The following COLEC12 variants were observed in gnomAD, a reference collection of about 807,000 sequenced individuals.
COLEC12 encodes the protein collectin-12.
COLEC12 carries 33 observed loss-of-function variants against 71.1 expected under a neutral mutation model. The ratio of observed to expected loss-of-function variants is 0.46; its 90% CI spans 0.35 to 0.62. The LOEUF is 0.62. COLEC12 is among the 20% of genes least tolerant of loss of function. COLEC12 has a pLI of 0.00. For missense variants in COLEC12, 765 were observed against 916.1 expected (o/e 0.84, Z 2.13); for synonymous variants, 350 against 353.0 (o/e 0.99, Z 0.10).
chr18:430,796 C>T (rs1172925431), intron 2 of COLEC12, among the ~76,000 whole-genome samples: 3 of 152,094 alleles, frequency 2.0e-5, no homozygotes, highest in South Asian at 4.2e-4. Flanking sequence ...TTTTTTAGGA[C>T]ACAAAATAAA....
chr18:397,007 A>T (rs1453527837), intron 2 of COLEC12, among the ~76,000 whole-genome samples: 3 of 152,122 alleles, frequency 2.0e-5, no homozygotes, highest in Non-Finnish European at 4.4e-5. Flanking sequence ...AGTGACCTGG[A>T]ATGCCCAGTC....
intron 2 of COLEC12, among the ~76,000 whole-genome samples, chr18:441,666 G>T (rs1916538304): frequency 6.6e-6 from 1 of 152,054 alleles, no homozygotes; most frequent in Non-Finnish European, 1.5e-5. Flanking sequence ...TACTAACAAT[G>T]TTTTTCTTTA....
chr18:458,921 A>C (rs1916924299), intron 2 of COLEC12, among the ~76,000 whole-genome samples: 1 of 152,036 alleles, frequency 6.6e-6, no homozygotes, highest in Non-Finnish European at 1.5e-5. Flanking sequence ...TGCAGCCTTG[A>C]CCTCCCAGGC....
chr18:338,185 G>A (rs1914161656), intron 5 of COLEC12, among the ~76,000 whole-genome samples: 1 of 151,940 alleles, frequency 6.6e-6, no homozygotes, highest in Non-Finnish European at 1.5e-5. Context: ...AAAATTCCTG[G>A]CATCCTCCCA....
intron 8 of COLEC12, among the ~76,000 whole-genome samples, chr18:322,563 T>C (rs1244932471): frequency 1.3e-5 from 2 of 152,212 alleles, no homozygotes; most frequent in African/African-American, 2.4e-5. Context: ...AGTTCTTGAT[T>C]ACGTTTCCAC....
rs547236833 is a variant in COLEC12, at chr18:408,974, A to G, written c.59-51452T>C. Among the ~76,000 whole-genome samples, 1,170 of 152,186 alleles carry G rather than the reference A, an allele frequency of 7.7e-3. 20 individuals are homozygous for G. The highest frequency in any genetic ancestry group is 8.4e-3 in the Non-Finnish European group (570 of 68,008). On this transcript the variant is annotated intron_variant, in intron 2 of 9. Transcript: ENST00000400256. The surrounding 1 kb of genome is among the most constrained non-coding windows in gnomAD (Gnocchi z 4.3). ...CAGACTCCTGAGTAGCTGGTATTAC[A>G]GGCACATACCACCACGCCTAGCTAA...
chr18:335,349 C>G (rs1914095104), intron 5 of COLEC12, 119 bp from the exon 6 acceptor site: 2 of 1,057,494 alleles, frequency 1.9e-6, no homozygotes, highest in South Asian at 1.7e-5. Context: ...GTATATACAG[C>G]AGGGAAAGAC....
rs58030636 is a variant in COLEC12, at chr18:369,917, G to T, written c.59-12395C>A. Among the ~76,000 whole-genome samples the T allele has an allele frequency of 1.2e-3, 183 of 152,090 alleles. 4 individuals carry two copies. The East Asian group carries it at 0.032, about 26-fold the overall frequency. ...AGGACACATTTGGATTCAGATGGAG[G>T]AATCACCACCGAGGAAAGGATTATG... On this transcript the variant is annotated intron_variant, in intron 2 of 9. Transcript: ENST00000400256.
In COLEC12 at chr18:346,495, G is replaced by T; in HGVS notation, c.1127C>A (p.Thr376Asn). 1 of 1,614,188 alleles carries T rather than the reference G, an allele frequency of 6.2e-7. No homozygotes were observed. Among genetic ancestry groups the T allele is most frequent in the Non-Finnish European group, 8.5e-7 (1 of 1,180,024 alleles). Reference sequence around the variant, plus strand: ...GGAGGTCAGATCATCTGTGTGTTTGGTAAGGGTATCTGTGCAAGTGGTCCT... The same window carrying T: ...GGAGGTCAGATCATCTGTGTGTTTGTTAAGGGTATCTGTGCAAGTGGTCCT... ...EVRTTCTDTL[T>N]KHTDDLTSLN... Residue 376 changes from threonine to asparagine, a missense_variant, in exon 5 of 10, where the codon ACC becomes AAC. Physicochemically the swap from Thr to Asn is moderately conservative, Grantham distance 65. Transcript: ENST00000400256. The surrounding 1 kb of genome is among the most constrained non-coding windows in gnomAD (Gnocchi z 4.0).
intron 2 of COLEC12, among the ~76,000 whole-genome samples, chr18:419,149 TTC>T (rs910044581): frequency 4.8e-4 from 4 of 8,328 alleles, no homozygotes; most frequent in African/African-American, 1.3e-3. Flanking sequence ...GGCATCATAC[TTC>T]TATTCTATTC....
intron 2 of COLEC12, among the ~76,000 whole-genome samples, chr18:440,201 G>C (rs1249004641): frequency 6.6e-6 from 1 of 152,108 alleles, no homozygotes; most frequent in Non-Finnish European, 1.5e-5. Flanking sequence ...TTGCGACATG[G>C]GATGGGGAAT....
rs34263909 is a variant in COLEC12, at chr18:406,515, CA to C, written c.59-48994del. Among the ~76,000 whole-genome samples the C allele has an allele frequency of 9.7e-3, 878 of 90,298 alleles. 1 individual carries two copies. Among genetic ancestry groups the C allele is most frequent in the African/African-American group, 0.014 (297 of 20,578 alleles). 59.2% of individuals were successfully genotyped at this position (90,298 alleles called of 152,430 possible). ...TGGACGACAGAGCGAGACTCCGTCT[CA>C]AAAAAAAAAAAAAAAAAAAAAAAAG... On this transcript the variant is annotated intron_variant, in intron 2 of 9. Coordinates refer to ENST00000400256, the MANE Select transcript of COLEC12 (RefSeq NM_130386.3).
At chr18:415,885 C>T (rs1915976818) in intron 2 of COLEC12, among the ~76,000 whole-genome samples, 1 of 152,170 alleles carries the variant, frequency 6.6e-6, no homozygotes. Context: ...ACTTATGAAC[C>T]TAATTACACT....
chr18:477,493 A>T (rs1337192806), intron 2 of COLEC12, among the ~76,000 whole-genome samples: 2,338 of 152,318 alleles, frequency 0.015, 59 homozygotes, highest in African/African-American at 0.052. Flanking sequence ...TTTTGCAACT[A>T]TAAAAGGCTA....
intron 2 of COLEC12, among the ~76,000 whole-genome samples, chr18:410,874 A>T (rs1382291677): frequency 6.6e-6 from 1 of 152,222 alleles, no homozygotes; most frequent in Non-Finnish European, 1.5e-5. Context: ...TAAATGCTCA[A>T]CACCAGCCAA....
At chr18:456,722 G>C (rs1916879611) in intron 2 of COLEC12, among the ~76,000 whole-genome samples, 1 of 152,250 alleles carries the variant, frequency 6.6e-6, no homozygotes, top group South Asian at 2.1e-4. Flanking sequence ...CTCCAACAAA[G>C]AGCAGCCCGC....
intron 3 of COLEC12, among the ~76,000 whole-genome samples, chr18:357,039 T>G (rs963446119): frequency 2.0e-5 from 3 of 152,074 alleles, no homozygotes; most frequent in African/African-American, 7.2e-5. Context: ...AATATAGTTT[T>G]CCTGTGTGCT....
chr18:425,154 T>C (rs2143661966), intron 2 of COLEC12, among the ~76,000 whole-genome samples: 1 of 152,312 alleles, frequency 6.6e-6, no homozygotes, highest in South Asian at 2.1e-4. Flanking sequence ...GCAACCTTCT[T>C]AATTGTGTCT....
At chr18:428,713 T>C (rs537651821) in intron 2 of COLEC12, among the ~76,000 whole-genome samples, 2 of 152,326 alleles carry the variant, frequency 1.3e-5, no homozygotes, top group East Asian at 3.9e-4. Flanking sequence ...TTTAAAACTA[T>C]AATATAACTT....
Sources: gnomAD v4.1 joint callset for allele counts (sites outside exome capture counted in the v4.1 genomes callset) on GRCh38, gnomAD v4.1.1 for gene constraint, Gnocchi (gnomAD v3.1) non-coding constraint, MANE v1.5 for transcripts, NCBI Gene and HGNC (gene_info 2026-07-23, HGNC 2026-07-21) for gene names.